Variants in SUGCT observed in about 807,000 individuals in gnomAD.
The protein encoded by SUGCT is succinyl-CoA:glutarate-CoA transferase.
A neutral mutation model predicts 55.0 loss-of-function variants in SUGCT; 41 were observed. The observed-to-expected ratio is 0.74, with a 90% CI of 0.58 to 0.97. The LOEUF (loss-of-function observed/expected upper bound fraction) is 0.97, where lower values mean the gene tolerates loss of function less well. SUGCT is among the 50% of genes least tolerant of loss of function. SUGCT has a pLI of 0.00. For missense variants in SUGCT, 568 were observed against 547.8 expected (o/e 1.04, Z -0.37); for synonymous variants, 187 against 200.4 (o/e 0.93, Z 0.56).
chr7:40,800,195 T>C (rs963802724), intron 13 of SUGCT, among the ~76,000 whole-genome samples: 2 of 152,040 alleles, frequency 1.3e-5, no homozygotes, highest in Admixed American at 6.6e-5. Context: ...TTGCTGATGC[T>C]CCATGCCTTG....
the SUGCT span, among the ~76,000 whole-genome samples, chr7:40,993,847 G>A: frequency 2.2e-3 from 331 of 152,290 alleles, 1 homozygote; most frequent in Non-Finnish European, 2.5e-3. Flanking sequence ...TGATTATCAA[G>A]TAGCACAAGT....
intron 12 of SUGCT, among the ~76,000 whole-genome samples, chr7:40,670,887 A>G (rs1801907304): frequency 6.6e-6 from 1 of 152,174 alleles, no homozygotes. Context: ...AACCTCTAGA[A>G]ATTAAAAGAG....
intron 12 of SUGCT, among the ~76,000 whole-genome samples, chr7:40,652,749 A>G (rs1800835821): frequency 1.3e-5 from 2 of 152,326 alleles, no homozygotes; most frequent in East Asian, 1.9e-4. Context: ...CTGTATTGCT[A>G]TAATAATACT....
At chr7:40,621,310 T>C (rs1799253680) in intron 12 of SUGCT, among the ~76,000 whole-genome samples, 2 of 151,982 alleles carry the variant, frequency 1.3e-5, no homozygotes, top group African/African-American at 4.8e-5. Context: ...CTTTCTTATG[T>C]GTGTTATTTT....
chr7:40,377,155 T>C (rs1437489907), intron 9 of SUGCT, among the ~76,000 whole-genome samples: 1 of 15,536 alleles, frequency 6.4e-5, no homozygotes, highest in Admixed American at 1.5e-3. Context: ...TCTTTCTTTC[T>C]TTCTTTCTTT....
At chr7:40,619,398 T>C (rs558982075) in intron 12 of SUGCT, among the ~76,000 whole-genome samples, 1 of 152,338 alleles carries the variant, frequency 6.6e-6, no homozygotes, top group South Asian at 2.1e-4. Context: ...AAATATTTTG[T>C]TTATTTTACA....
chr7:40,175,112 T>TA lies in SUGCT; in HGVS notation c.101-5834dup, dbSNP rs1784861306. On this transcript the variant is annotated intron_variant, in intron 1 of 13. Coordinates refer to ENST00000335693, the MANE Select transcript of SUGCT (RefSeq NM_001193313.2). ...TTACGCTGTGTTTCTTTCTTACTGA[T>TA]ATGTGAGAGTTCTTTATACTTAAAA... is the stretch of plus-strand genomic sequence containing the variant. Among the ~76,000 whole-genome samples, 6 of 152,324 alleles carry TA rather than the reference T, an allele frequency of 3.9e-5. No individual in the cohort carries two copies. The South Asian group carries it at 1.2e-3, about 32-fold the overall frequency.
At chr7:40,902,169 G>C in the SUGCT span, among the ~76,000 whole-genome samples, 274 of 152,240 alleles carry the variant, frequency 1.8e-3, 1 homozygote, top group African/African-American at 6.5e-3. Flanking sequence ...GAGTGTTCAG[G>C]CTGGTTTCCC....
intron 12 of SUGCT, among the ~76,000 whole-genome samples, chr7:40,714,941 T>A (rs1186203488): frequency 6.6e-6 from 1 of 152,176 alleles, no homozygotes; most frequent in Admixed American, 6.5e-5. Flanking sequence ...TGTTTAAATG[T>A]AGAAATATGT....
At chr7:40,190,252 A>G (rs1785804982) in intron 5 of SUGCT, among the ~76,000 whole-genome samples, 1 of 151,982 alleles carries the variant, frequency 6.6e-6, no homozygotes, top group Non-Finnish European at 1.5e-5. Flanking sequence ...AATAGTACCT[A>G]CTTTCTTTCT....
intron 9 of SUGCT, among the ~76,000 whole-genome samples, chr7:40,377,911 A>G (rs1181175381): frequency 1.9e-4 from 29 of 152,162 alleles, no homozygotes; most frequent in Non-Finnish European, 2.9e-5. Context: ...ATAATATGCC[A>G]TTCTACTGTC....
chr7:40,304,620 G>A (rs1794742916), intron 8 of SUGCT, among the ~76,000 whole-genome samples: 1 of 150,572 alleles, frequency 6.6e-6, no homozygotes, highest in Non-Finnish European at 1.5e-5. Context: ...CCAAAGTCCA[G>A]CATATCATTC....
At chr7:40,424,649 A>G (rs191778595) in intron 9 of SUGCT, among the ~76,000 whole-genome samples, 71 of 152,252 alleles carry the variant, frequency 4.7e-4, no homozygotes, top group Non-Finnish European at 9.1e-4. Flanking sequence ...TCAGGTAATA[A>G]TGATTTAATA....
the SUGCT span, among the ~76,000 whole-genome samples, chr7:40,994,705 G>T: frequency 6.6e-6 from 1 of 152,162 alleles, no homozygotes; most frequent in East Asian, 1.9e-4. Flanking sequence ...GATTCCCAGG[G>T]TTGGAGGTGG....
the SUGCT span, among the ~76,000 whole-genome samples, chr7:41,032,876 G>A: frequency 6.6e-6 from 1 of 152,186 alleles, no homozygotes; most frequent in African/African-American, 2.4e-5. Flanking sequence ...CGATTCTCCT[G>A]CCTCAGCCTC....
chr7:40,581,561 G>A (rs182935667), intron 12 of SUGCT, among the ~76,000 whole-genome samples: 24 of 152,276 alleles, frequency 1.6e-4, no homozygotes, highest in Admixed American at 1.0e-3. Context: ...GCCACATGGC[G>A]TAATTGTGGA....
chr7:40,888,785 A>G, the SUGCT span, among the ~76,000 whole-genome samples: 2 of 152,114 alleles, frequency 1.3e-5, no homozygotes, highest in African/African-American at 2.4e-5. Flanking sequence ...GGTGGAAGGG[A>G]GGTGTCAAGT....
chr7:40,898,479 T>C, the SUGCT span, among the ~76,000 whole-genome samples: 43,266 of 52,940 alleles, frequency 0.82, 16,868 homozygotes, highest in Admixed American at 0.86. Context: ...CTCCGGGAGG[T>C]CGGGGGGGGG....
intron 7 of SUGCT, among the ~76,000 whole-genome samples, chr7:40,243,731 C>G (rs79570882): frequency 1.1e-3 from 168 of 152,158 alleles, no homozygotes; most frequent in Admixed American, 1.9e-3. Context: ...GTGAGAACTT[C>G]CATGGTAGGG....
Sources: gnomAD v4.1 joint callset for allele counts (sites outside exome capture counted in the v4.1 genomes callset) on GRCh38, gnomAD v4.1.1 for gene constraint, MANE v1.5 for transcripts, NCBI Gene and HGNC (gene_info 2026-07-23, HGNC 2026-07-21) for gene names.